Variants in SEMA6D observed in about 807,000 individuals in gnomAD.
SEMA6D encodes the protein semaphorin-6D.
SEMA6D carries 35 observed loss-of-function variants against 106.6 expected under a neutral mutation model. That is an observed-to-expected ratio of 0.33 (90% CI 0.25 to 0.44). The LOEUF (loss-of-function observed/expected upper bound fraction) is 0.44, where lower values mean the gene tolerates loss of function less well. Among genes scored for constraint, SEMA6D ranks in the 20% least tolerant of loss-of-function variants. SEMA6D has a pLI of 1.00. For missense variants in SEMA6D, 1,185 were observed against 1,345.9 expected, an observed-to-expected ratio of 0.88 and a Z score of 1.87; for synonymous variants, 499 against 487.7, an observed-to-expected ratio of 1.02 and a Z score of -0.31.
Position 47,763,053 on chromosome 15 carries a change from T to C in SEMA6D, c.696T>C (p.Tyr232=). The C allele has an allele frequency of 6.2e-7, 1 of 1,612,440 alleles. No individual in the cohort carries two copies. Among genetic ancestry groups the C allele is most frequent in the Non-Finnish European group, 8.5e-7 (1 of 1,179,202 alleles). ...HFLHAIEYGN[Y]VYFFFREIAV... is the part of the protein sequence containing the mutation. ...TTCATGCCATAGAATATGGAAACTATGTCTATTTCTTCTTTCGAGAAATCG... is the reference window on the plus strand; with the variant it reads ...TTCATGCCATAGAATATGGAAACTACGTCTATTTCTTCTTTCGAGAAATCG... Residue 232 remains tyrosine, a synonymous_variant, in exon 9 of 19, where the codon TAT becomes TAC. Coordinates refer to ENST00000536845, the MANE Select transcript of SEMA6D (RefSeq NM_001358351.3).
At chr15:47,628,053 C>G (rs2077232655) in intron 4 of SEMA6D, among the ~76,000 whole-genome samples, 1 of 151,950 alleles carries the variant, frequency 6.6e-6, no homozygotes, top group Non-Finnish European at 1.5e-5. Context: ...CTATTACATG[C>G]TATTAGCCTA....
At chr15:47,728,554 A>G (rs1216838157) in intron 1 of SEMA6D, among the ~76,000 whole-genome samples, 1 of 152,216 alleles carries the variant, frequency 6.6e-6, no homozygotes, top group Non-Finnish European at 1.5e-5. Context: ...AGATGAGGAC[A>G]CAGATGCTCA....
At chr15:47,765,826 G>C (rs377176441) in intron 13 of SEMA6D, 43 bp from the exon 14 acceptor site, 18 of 1,456,136 alleles carry the variant, frequency 1.2e-5, no homozygotes, top group Non-Finnish European at 1.5e-5. Context: ...AACCACACTT[G>C]ACTGACTAAA....
At chr15:47,622,126 A>G (rs2077113422) in intron 4 of SEMA6D, among the ~76,000 whole-genome samples, 2 of 151,086 alleles carry the variant, frequency 1.3e-5, no homozygotes, top group Non-Finnish European at 2.9e-5. Context: ...TAAATAACTT[A>G]CTGACCAAAA....
chr15:47,566,338 T>C (rs2046228520), intron 3 of SEMA6D, among the ~76,000 whole-genome samples: 1 of 152,140 alleles, frequency 6.6e-6, no homozygotes, highest in South Asian at 2.1e-4. Flanking sequence ...CCAGTAGTAA[T>C]GAGTGGAGAG....
intron 4 of SEMA6D, among the ~76,000 whole-genome samples, chr15:47,624,492 G>A (rs1190921837): frequency 6.6e-6 from 1 of 152,068 alleles, no homozygotes; most frequent in Non-Finnish European, 1.5e-5. Flanking sequence ...AAAATAGATG[G>A]GGTTACCGGA....
In SEMA6D at chr15:47,419,953, G is replaced by A. The variant is rs1201323641; in HGVS notation, c.-159+7481G>A. 3.9e-5 allele frequency among the ~76,000 whole-genome samples: 6 copies of A among 152,250 alleles called. No individual in the cohort carries two copies. In the East Asian group the frequency reaches 1.2e-3, roughly 29 times the overall value. ...TAGCTGGTCTGCTGGTCCAGGGCAG[G>A]TGGTGGTGGTGAGGCTATGAGCATT... On this transcript the variant is annotated intron_variant, in intron 2 of 19. Transcript: ENST00000558014.
intron 4 of SEMA6D, among the ~76,000 whole-genome samples, chr15:47,660,188 A>T (rs1178514944): frequency 9.3e-6 from 1 of 108,074 alleles, no homozygotes; most frequent in African/African-American, 2.6e-5. Flanking sequence ...ATCCCCAATC[A>T]ACATAATAAA....
At chr15:47,355,321 T>G (rs951386526) in intron 1 of SEMA6D, among the ~76,000 whole-genome samples, 1 of 152,220 alleles carries the variant, frequency 6.6e-6, no homozygotes, top group Non-Finnish European at 1.5e-5. Flanking sequence ...GATGATAACT[T>G]TACCTCCTCT....
At chr15:47,575,090 G>A (rs2076133194) in intron 3 of SEMA6D, among the ~76,000 whole-genome samples, 1 of 152,172 alleles carries the variant, frequency 6.6e-6, no homozygotes. Flanking sequence ...TCTGGGATCA[G>A]ATCACTGAGC....
intron 4 of SEMA6D, among the ~76,000 whole-genome samples, chr15:47,694,915 G>A (rs567950427): frequency 1.1e-4 from 17 of 152,278 alleles, no homozygotes; most frequent in African/African-American, 3.8e-4. Flanking sequence ...AGTGATATAT[G>A]CTGGTACCAA....
chr15:47,715,617 A>G (rs1056472416), upstream of SEMA6D, among the ~76,000 whole-genome samples: 3 of 152,212 alleles, frequency 2.0e-5, no homozygotes, highest in African/African-American at 7.2e-5. Context: ...CGGCTAATCC[A>G]TGGCTTGAAA....
chr15:47,261,033 G>A (rs1013713930), intron 1 of SEMA6D, among the ~76,000 whole-genome samples: 7 of 152,072 alleles, frequency 4.6e-5, no homozygotes, highest in Admixed American at 1.3e-4. Context: ...ATTTTTTAGA[G>A]TTATCCTTTG....
At chr15:47,352,827 C>G (rs978105298) in intron 1 of SEMA6D, among the ~76,000 whole-genome samples, 4 of 152,132 alleles carry the variant, frequency 2.6e-5, no homozygotes, top group Admixed American at 2.0e-4. Flanking sequence ...TGCTAATAGA[C>G]TCAGTCACCC....
At chr15:47,276,581 C>A (rs1038440917) in intron 1 of SEMA6D, among the ~76,000 whole-genome samples, 1 of 151,962 alleles carries the variant, frequency 6.6e-6, no homozygotes, top group Non-Finnish European at 1.5e-5. Context: ...ATGGTTTTAG[C>A]GAATATTTTA....
chr15:47,433,374 A>G (rs1480106457), intron 2 of SEMA6D, among the ~76,000 whole-genome samples: 2 of 151,898 alleles, frequency 1.3e-5, no homozygotes, highest in Admixed American at 1.3e-4. Context: ...CAAGTATGCC[A>G]TTATAAAATG....
At chr15:47,507,308 G>A (rs1410860571) in intron 3 of SEMA6D, among the ~76,000 whole-genome samples, 1 of 152,012 alleles carries the variant, frequency 6.6e-6, no homozygotes, top group Non-Finnish European at 1.5e-5. Flanking sequence ...TCCTTCCAAG[G>A]CAACAGCTCT....
intron 1 of SEMA6D, among the ~76,000 whole-genome samples, chr15:47,748,060 T>A (rs1169290815): frequency 1.3e-5 from 2 of 152,176 alleles, no homozygotes; most frequent in African/African-American, 4.8e-5. Context: ...ACAGAAATCA[T>A]TTAGTTATTT....
chr15:47,232,704 G>A (rs1219865518), intron 1 of SEMA6D, among the ~76,000 whole-genome samples: 4 of 151,712 alleles, frequency 2.6e-5, no homozygotes, highest in Admixed American at 2.6e-4. Flanking sequence ...ATCTTTTCAT[G>A]TGCTTATTTT....
Sources: gnomAD v4.1 joint callset for allele counts (sites outside exome capture counted in the v4.1 genomes callset) on GRCh38, gnomAD v4.1.1 for gene constraint, MANE v1.5 for transcripts, NCBI Gene and HGNC (gene_info 2026-07-23, HGNC 2026-07-21) for gene names.